NKIRAS1: variants seen among roughly 807,000 people sequenced by gnomAD.
NKIRAS1 encodes NF-kappa-B inhibitor-interacting Ras-like protein 1.
Under a neutral mutation model 19.8 loss-of-function variants are expected in NKIRAS1, and 16 were observed. The observed-to-expected ratio is 0.81, with a 90% CI of 0.55 to 1.23. NKIRAS1 has a LOEUF of 1.23. NKIRAS1 is among the 50% of genes most tolerant of loss of function. The pLI, the probability that NKIRAS1 is intolerant of heterozygous loss-of-function variation, is 0.00. For missense variants in NKIRAS1, 184 were observed against 220.0 expected, an observed-to-expected ratio of 0.84 and a Z score of 1.04; for synonymous variants, 88 against 79.0, an observed-to-expected ratio of 1.11 and a Z score of -0.61.
At chr3:23,912,742 G>A (rs939796725) in intron 1 of NKIRAS1, among the ~76,000 whole-genome samples, 7 of 152,138 alleles carry the variant, frequency 4.6e-5, no homozygotes, top group African/African-American at 7.2e-5. Flanking sequence ...ACATGCACAC[G>A]TATGTTTAAT....
chr3:23,895,452 C>A (rs1701885653), intron 4 of NKIRAS1, among the ~76,000 whole-genome samples: 1 of 152,146 alleles, frequency 6.6e-6, no homozygotes, highest in African/African-American at 2.4e-5. Flanking sequence ...GGCTCTACTA[C>A]CTTTATCATT....
intron 1 of NKIRAS1, among the ~76,000 whole-genome samples, chr3:23,929,410 C>G (rs954831977): frequency 6.6e-6 from 1 of 151,902 alleles, no homozygotes; most frequent in African/African-American, 2.4e-5. Context: ...TTTTGGACTA[C>G]CTGAAAAAAT....
Position 23,897,260 on chromosome 3 carries a change from A to C in NKIRAS1, c.336+3548T>G, listed in dbSNP as rs192679452. On this transcript the variant is annotated intron_variant, in intron 4 of 4. Transcript: ENST00000425478. Reference sequence around the variant, plus strand: ...TTAATGTATACTCCTATTTGCTTGCATTTATATAAAGAAACTCTGGATGAC... The same window carrying C: ...TTAATGTATACTCCTATTTGCTTGCCTTTATATAAAGAAACTCTGGATGAC... 2.9e-3 allele frequency among the ~76,000 whole-genome samples: 446 copies of C among 152,214 alleles called. 1 individual carries two copies. The highest frequency in any genetic ancestry group is 0.01 in the African/African-American group (428 of 41,538).
chr3:23,894,031 A>T (rs769449948), intron 4 of NKIRAS1, among the ~76,000 whole-genome samples: 4 of 152,182 alleles, frequency 2.6e-5, no homozygotes, highest in Non-Finnish European at 5.9e-5. Context: ...TATCCATGAG[A>T]ACAGGAATTG....
rs1303099717 is a variant in NKIRAS1 at position 23,891,231 on chromosome 3, C to T, written c.*1864G>A. On this transcript the variant is annotated 3_prime_UTR_variant, in exon 5 of 5. Transcript: ENST00000425478. ...TGTAAGGCGTGGAATAGGAGTTGCT[C>T]AGTGGATTGGTTCTATGTTGTGGAC... 1 of 152,248 alleles carries T rather than the reference C, an allele frequency of 6.6e-6. No individual in the cohort carries two copies. Among genetic ancestry groups the T allele is most frequent in the Non-Finnish European group, 1.5e-5 (1 of 68,050 alleles). The allele number at this position is 152,248 out of a possible 1,614,324, so 9.4% of individuals were successfully genotyped here. A position where few individuals can be genotyped will look rare whatever the true frequency, so the allele number is the denominator to read the frequency against.
chr3:23,936,623 T>C (rs529680176), intron 1 of NKIRAS1, among the ~76,000 whole-genome samples: 1 of 152,256 alleles, frequency 6.6e-6, no homozygotes, highest in South Asian at 2.1e-4. Context: ...CTCGGCTCAC[T>C]GCAACCTCTA....
At chr3:23,944,530 T>G (rs563782215) in intron 1 of NKIRAS1, among the ~76,000 whole-genome samples, 1 of 152,356 alleles carries the variant, frequency 6.6e-6, no homozygotes, top group African/African-American at 2.4e-5. Context: ...CTTTTTTCTT[T>G]TGATCTAAAA....
intron 4 of NKIRAS1, 115 bp downstream of exon 4, chr3:23,900,693 T>C: frequency 1.3e-6 from 1 of 776,278 alleles, no homozygotes; most frequent in Non-Finnish European, 2.0e-6. Context: ...TTGTAAAGGT[T>C]TTACAGATAC....
upstream of NKIRAS1, chr3:23,920,010 GC>G (rs1704983285): frequency 6.1e-6 from 6 of 986,764 alleles, no homozygotes; most frequent in South Asian, 2.8e-4. Context: ...AAAGGTGAAA[GC>G]TCCTGGTTCA....
At chr3:23,900,570 G>A (rs1702421147) in intron 4 of NKIRAS1, among the ~76,000 whole-genome samples, 1 of 151,464 alleles carries the variant, frequency 6.6e-6, no homozygotes. Context: ...GGGAGGCGGA[G>A]GTTGCAGTGA....
chr3:23,928,743 G>C (rs1213624529), intron 1 of NKIRAS1, among the ~76,000 whole-genome samples: 3 of 147,310 alleles, frequency 2.0e-5, no homozygotes. Flanking sequence ...TGTAATCCTA[G>C]CACTTTGGGA....
chr3:23,921,637 C>T, upstream of NKIRAS1: 1 of 594,514 alleles, frequency 1.7e-6, no homozygotes, highest in Non-Finnish European at 3.1e-6. Flanking sequence ...TGCAGTGGGG[C>T]AATCACGGCT....
At chr3:23,918,673 C>T, upstream of NKIRAS1, 2 of 1,388,166 alleles carry the variant, frequency 1.4e-6, no homozygotes, top group Non-Finnish European at 2.0e-6. Context: ...GGTGAGCTGT[C>T]TCGTATATAA....
Position 23,909,854 on chromosome 3 carries a change from G to GT in NKIRAS1, c.94+956dup, listed in dbSNP as rs899380466. ...ACAGCAGCTCTGCAAAGTTGTTTTT[G>GT]TTTTTTTTTGTTTTTTTTTTTTTGA... On this transcript the variant is annotated intron_variant, in intron 3 of 4. Coordinates refer to ENST00000425478, the MANE Select transcript of NKIRAS1 (RefSeq NM_020345.4). Among the ~76,000 whole-genome samples, 59 of 133,470 alleles carry GT rather than the reference G, an allele frequency of 4.4e-4. 1 individual carries two copies. Among genetic ancestry groups the GT allele is most frequent in the South Asian group, 3.1e-3 (12 of 3,854 alleles). The allele number at this position is 133,470 out of a possible 152,430, so 87.6% of individuals were successfully genotyped here.
chr3:23,936,253 T>C (rs567557687), intron 1 of NKIRAS1, among the ~76,000 whole-genome samples: 1 of 152,248 alleles, frequency 6.6e-6, no homozygotes, highest in South Asian at 2.1e-4. Flanking sequence ...GCTCTTTGCA[T>C]TTAAAATTCT....
upstream of NKIRAS1, chr3:23,917,636 C>G (rs112769435): frequency 1.4e-3 from 693 of 502,288 alleles, 2 homozygotes; most frequent in African/African-American, 9.7e-3. Context: ...CAAAACGTGC[C>G]GAGCACCGCT....
Position 23,909,860 on chromosome 3 carries a change from T to TTTTGG in NKIRAS1, c.94+950_94+951insCCAAA, listed in dbSNP as rs200622936. On this transcript the variant is annotated intron_variant, in intron 3 of 4. Transcript: ENST00000425478. ...GCTCTGCAAAGTTGTTTTTGTTTTT[T>TTTTGG]TTTGTTTTTTTTTTTTTGAGATGGA... 5.4e-3 allele frequency among the ~76,000 whole-genome samples: 640 copies of TTTTGG among 118,964 alleles called. 16 individuals are homozygous for TTTTGG. In the South Asian group the frequency reaches 0.06, roughly 11 times the overall value. The allele number at this position is 118,964 out of a possible 152,430, so 78.0% of individuals were successfully genotyped here. A position where few individuals can be genotyped will look rare whatever the true frequency, so the allele number is the denominator to read the frequency against.
At chr3:23,933,040 G>A (rs1446986146) in intron 1 of NKIRAS1, among the ~76,000 whole-genome samples, 1 of 152,126 alleles carries the variant, frequency 6.6e-6, no homozygotes, top group Non-Finnish European at 1.5e-5. Context: ...TAATCACAAG[G>A]CTCCTTGAGA....
At chr3:23,921,685 C>T, upstream of NKIRAS1, 1 of 633,358 alleles carries the variant, frequency 1.6e-6, no homozygotes, top group South Asian at 1.6e-5. Flanking sequence ...AGCAATTCTT[C>T]TGCCTCGGCC....
Sources: gnomAD v4.1 joint callset for allele counts (sites outside exome capture counted in the v4.1 genomes callset) on GRCh38, gnomAD v4.1.1 for gene constraint, MANE v1.5 for transcripts, NCBI Gene and HGNC (gene_info 2026-07-23, HGNC 2026-07-21) for gene names.